Variants in SNAP23 observed in about 807,000 individuals in gnomAD.
The protein encoded by SNAP23 is synaptosomal-associated protein 23.
In SNAP23, 11 loss-of-function variants were observed where a neutral mutation model predicts 29.0. That is an observed-to-expected ratio of 0.38 (90% CI 0.24 to 0.63). The LOEUF is 0.63. Ranked by LOEUF, SNAP23 falls within the 20% of genes least tolerant of loss-of-function variation. The probability of loss-of-function intolerance (pLI) is 0.58; values close to 1 mark genes in which losing one functional copy is unlikely to be tolerated. For missense variants in SNAP23, 220 were observed against 253.9 expected (o/e 0.87, Z 0.91); for synonymous variants, 60 against 82.9 (o/e 0.72, Z 1.50).
intron 1 of SNAP23, among the ~76,000 whole-genome samples, chr15:42,501,728 T>C (rs1208277497): frequency 6.6e-6 from 1 of 152,208 alleles, no homozygotes; most frequent in East Asian, 1.9e-4. Flanking sequence ...ACGAGAGATA[T>C]TTCATAATTA....
intron 5 of SNAP23, among the ~76,000 whole-genome samples, chr15:42,516,061 T>C (rs2057394236): frequency 6.6e-6 from 1 of 152,212 alleles, no homozygotes; most frequent in Non-Finnish European, 1.5e-5. Flanking sequence ...TATAAGTAGG[T>C]AGTAGAGGAA....
In SNAP23 at chr15:42,513,088, T is replaced by C. The variant is rs1235939979; in HGVS notation, c.99+92T>C. On this transcript the variant is annotated intron_variant, in intron 3 of 7. Transcript: ENST00000249647. ...GGAATTAGTATTAAAGGGTAATGTATCAATATGCTTTATTATTTGAAATTA... is the reference window on the plus strand; with the variant it reads ...GGAATTAGTATTAAAGGGTAATGTACCAATATGCTTTATTATTTGAAATTA... 5.4e-6 allele frequency: 5 copies of C among 922,008 alleles called. No homozygotes were observed. The East Asian group carries it at 1.2e-4, about 23-fold the overall frequency. 57.1% of individuals were successfully genotyped at this position (922,008 alleles called of 1,614,324 possible). A position where few individuals can be genotyped will look rare whatever the true frequency, so the allele number is the denominator to read the frequency against.
At chr15:42,509,796 C>T (rs1033831515) in intron 1 of SNAP23, among the ~76,000 whole-genome samples, 4 of 152,122 alleles carry the variant, frequency 2.6e-5, no homozygotes, top group East Asian at 1.9e-4. Context: ...AGGCCAGGCA[C>T]GGTGGCTCAG....
At chr15:42,506,725 C>T (rs73404723) in intron 1 of SNAP23, among the ~76,000 whole-genome samples, 16,397 of 152,064 alleles carry the variant, frequency 0.11, 1,055 homozygotes, top group South Asian at 0.17. Context: ...AATGAGCCAT[C>T]ATATAGGATT....
At chr15:42,502,517 A>T (rs535444010) in intron 1 of SNAP23, among the ~76,000 whole-genome samples, 2 of 151,358 alleles carry the variant, frequency 1.3e-5, no homozygotes, top group South Asian at 4.2e-4. Context: ...CCCTATATCT[A>T]CCTAAATAAA....
chr15:42,529,724 G>C lies in SNAP23; in HGVS notation c.475G>C (p.Val159Leu). 6.2e-7 allele frequency: 1 copy of C among 1,614,128 alleles called. No individual in the cohort carries two copies. The highest frequency in any genetic ancestry group is 8.5e-7 in the Non-Finnish European group (1 of 1,179,976). Reference sequence around the variant, plus strand: ...TGAAATGGAAGAGAACCTGACTCAAGTGGGCAGTATCCTGGGAAATCTAAA... The same window carrying C: ...TGAAATGGAAGAGAACCTGACTCAACTGGGCAGTATCCTGGGAAATCTAAA... The part of the protein sequence containing the change: ...EDEMEENLTQ[V>L]GSILGNLKDM... Residue 159 changes from valine to leucine, a missense_variant, in exon 7 of 8, where the codon GTG becomes CTG. By Grantham distance (32) the Val-to-Leu change is conservative. Transcript: ENST00000249647.
intron 1 of SNAP23, among the ~76,000 whole-genome samples, chr15:42,502,856 G>A (rs893488062): frequency 1.3e-5 from 2 of 152,226 alleles, no homozygotes; most frequent in African/African-American, 4.8e-5. Context: ...GTCACTTAGA[G>A]TAGAATTGTG....
chr15:42,521,353 T>C, intron 5 of SNAP23: 1 of 616,744 alleles, frequency 1.6e-6, no homozygotes, highest in Non-Finnish European at 2.0e-6. Context: ...TCTCATATTG[T>C]CTAATTTTAG....
chr15:42,527,930 GGAAGA>G, intron 5 of SNAP23: 1 of 237,440 alleles, frequency 4.2e-6, no homozygotes, highest in Non-Finnish European at 8.3e-6. Flanking sequence ...GGATACACTA[GGAAGA>G]GAAAAGCAAA....
chr15:42,493,352 C>A (rs12912692), upstream of SNAP23, among the ~76,000 whole-genome samples: 76,259 of 147,692 alleles, frequency 0.52, 20,814 homozygotes, highest in Admixed American at 0.64. Flanking sequence ...CTCTCTCTCT[C>A]TCTATATATA....
intron 5 of SNAP23, among the ~76,000 whole-genome samples, chr15:42,518,655 G>T (rs971173255): frequency 6.6e-6 from 1 of 152,064 alleles, no homozygotes; most frequent in Non-Finnish European, 1.5e-5. Context: ...TTGGGCTCAG[G>T]CAGTCTACCC....
intron 1 of SNAP23, among the ~76,000 whole-genome samples, chr15:42,502,677 C>T (rs2057283364): frequency 6.6e-6 from 1 of 152,222 alleles, no homozygotes. Flanking sequence ...ACACTTATGC[C>T]TGCCACATTG....
chr15:42,522,515 A>T (rs1257876948), intron 5 of SNAP23, among the ~76,000 whole-genome samples: 2 of 152,002 alleles, frequency 1.3e-5, no homozygotes, highest in Non-Finnish European at 2.9e-5. Flanking sequence ...TTTGATTTCT[A>T]CCCTTTGTTT....
At chr15:42,523,193 G>T (rs1474742899) in intron 5 of SNAP23, among the ~76,000 whole-genome samples, 8 of 151,130 alleles carry the variant, frequency 5.3e-5, no homozygotes, top group Non-Finnish European at 1.2e-4. Context: ...AAAAAAAAAG[G>T]TTCCAGTTAA....
At chr15:42,517,481 AG>A (rs1273012772) in intron 5 of SNAP23, among the ~76,000 whole-genome samples, 1 of 152,212 alleles carries the variant, frequency 6.6e-6, no homozygotes, top group Non-Finnish European at 1.5e-5. Flanking sequence ...ATCAGCTCTA[AG>A]TCACGTGTTG....
chr15:42,510,271 G>C (rs1407634337), intron 1 of SNAP23, among the ~76,000 whole-genome samples: 2 of 152,028 alleles, frequency 1.3e-5, no homozygotes, highest in Non-Finnish European at 2.9e-5. Context: ...CGGTAGCTGG[G>C]ACTACAGGTG....
intron 1 of SNAP23, among the ~76,000 whole-genome samples, chr15:42,507,761 T>C (rs1320335216): frequency 6.6e-6 from 1 of 152,194 alleles, no homozygotes; most frequent in Non-Finnish European, 1.5e-5. Flanking sequence ...CAATAAGAAC[T>C]TGAGGAGTAT....
rs369613783 is a variant in SNAP23 at position 42,527,293 on chromosome 15, G to A, written c.267-969G>A. 1.1e-4 allele frequency among the ~76,000 whole-genome samples: 17 copies of A among 152,288 alleles called. No individual in the cohort carries two copies. The East Asian group carries it at 2.9e-3, about 26-fold the overall frequency. ...TTCTTTCCTGATGGCTGGTTTGTTTGTAAGAAACCATTGTTTAAAATTTCA... is the reference window on the plus strand; with the variant it reads ...TTCTTTCCTGATGGCTGGTTTGTTTATAAGAAACCATTGTTTAAAATTTCA... On this transcript the variant is annotated intron_variant, in intron 5 of 7. Coordinates refer to ENST00000249647, the MANE Select transcript of SNAP23 (RefSeq NM_003825.4).
intron 1 of SNAP23, among the ~76,000 whole-genome samples, chr15:42,500,264 A>G (rs2057257898): frequency 6.9e-6 from 1 of 145,404 alleles, no homozygotes; most frequent in Non-Finnish European, 1.5e-5. Context: ...ATATATTAGC[A>G]TGTATAATAT....
Sources: allele counts gnomAD v4.1 joint callset (sites outside exome capture counted in the v4.1 genomes callset), GRCh38; gene constraint gnomAD v4.1.1; transcripts MANE v1.5; gene names NCBI Gene and HGNC (gene_info 2026-07-23, HGNC 2026-07-21).